Variants in PHACTR1 observed in about 807,000 individuals in gnomAD.
PHACTR1 encodes the protein RPEL repeat containing 1.
A neutral mutation model predicts 69.2 loss-of-function variants in PHACTR1; 16 were observed. The observed-to-expected ratio is 0.23, with a 90% CI of 0.16 to 0.35. The LOEUF (loss-of-function observed/expected upper bound fraction) is 0.35, where lower values mean the gene tolerates loss of function less well. Ranked by LOEUF, PHACTR1 falls within the 10% of genes least tolerant of loss-of-function variation. PHACTR1 has a pLI of 1.00. For missense variants in PHACTR1, 510 were observed against 734.7 expected (o/e 0.69, Z 3.54); for synonymous variants, 312 against 284.5 (o/e 1.10, Z -0.97).
intron 4 of PHACTR1, among the ~76,000 whole-genome samples, chr6:12,835,090 G>A (rs1778015133): frequency 6.6e-6 from 1 of 152,142 alleles, no homozygotes; most frequent in Admixed American, 6.6e-5. Flanking sequence ...GTGAAGAGCT[G>A]GCAGAGCAAA....
At chr6:13,242,297 C>A (rs913528320) in intron 10 of PHACTR1, among the ~76,000 whole-genome samples, 2 of 152,298 alleles carry the variant, frequency 1.3e-5, no homozygotes, top group Admixed American at 6.5e-5. Context: ...AATCTCACTT[C>A]AAGGGAGTGT....
intron 4 of PHACTR1, among the ~76,000 whole-genome samples, chr6:13,014,204 G>C (rs1173377674): frequency 6.6e-6 from 1 of 152,058 alleles, no homozygotes; most frequent in Non-Finnish European, 1.5e-5. Context: ...GGCTCGGGCT[G>C]TCTCAGTTTG....
chr6:13,194,327 C>T (rs1764041718), intron 7 of PHACTR1, among the ~76,000 whole-genome samples: 1 of 151,024 alleles, frequency 6.6e-6, no homozygotes, highest in Non-Finnish European at 1.5e-5. Context: ...TGCTTGAACC[C>T]AGGAGGTGGA....
chr6:13,109,980 A>G (rs1816783665), intron 5 of PHACTR1, among the ~76,000 whole-genome samples: 1 of 150,894 alleles, frequency 6.6e-6, no homozygotes, highest in Non-Finnish European at 1.5e-5. Flanking sequence ...TAGATACAGT[A>G]TTTTTCAGTT....
chr6:12,998,234 C>T (rs1797662429), intron 4 of PHACTR1, among the ~76,000 whole-genome samples: 1 of 152,018 alleles, frequency 6.6e-6, no homozygotes, highest in African/African-American at 2.4e-5. Context: ...GGATTAACAA[C>T]CTAAATATGT....
intron 4 of PHACTR1, among the ~76,000 whole-genome samples, chr6:12,984,850 C>T (rs1456788786): frequency 6.6e-6 from 1 of 152,186 alleles, no homozygotes; most frequent in African/African-American, 2.4e-5. Context: ...AGTTTCAGAA[C>T]ATGCTCTTAA....
chr6:13,005,206 T>C (rs1346268286), intron 4 of PHACTR1, among the ~76,000 whole-genome samples: 1 of 151,648 alleles, frequency 6.6e-6, no homozygotes, highest in African/African-American at 2.4e-5. Flanking sequence ...TTCTTTTTTT[T>C]TTAGACAAGT....
At chr6:12,924,170 G>A (rs1788009309) in intron 4 of PHACTR1, among the ~76,000 whole-genome samples, 1 of 152,110 alleles carries the variant, frequency 6.6e-6, no homozygotes, top group Non-Finnish European at 1.5e-5. Flanking sequence ...TTTATAAACT[G>A]CTGAGACTAT....
intron 10 of PHACTR1, among the ~76,000 whole-genome samples, chr6:13,261,832 G>T (rs756784357): frequency 1.3e-5 from 2 of 152,060 alleles, no homozygotes; most frequent in Non-Finnish European, 2.9e-5. Context: ...TTGTCAGTTA[G>T]ACAGACAAAG....
At position 12,749,685 on chromosome 6, in the gene PHACTR1, G is replaced by A; in HGVS notation, c.145G>A (p.Ala49Thr). 1 of 1,611,974 alleles carries A rather than the reference G, an allele frequency of 6.2e-7. No homozygotes were observed. Among genetic ancestry groups the A allele is most frequent in the East Asian group, 2.2e-5 (1 of 44,774 alleles). ...GCTCCTGCCTCCCACATTAATGGCG[G>A]CATCCTCGGAGGATGATATAGACCG... ...TLLLPPTLMA[A>T]SSEDDIDRRP... The change falls in exon 4 of 15, where the codon GCA becomes ACA. Residue 49 changes from alanine to threonine, a missense_variant. Ala to Thr is a moderately conservative substitution (Grantham distance 58). This residue lies in a region of PHACTR1 where 419 missense variants were observed against 530.9 expected (regional missense o/e 0.79). Coordinates refer to ENST00000332995, the MANE Select transcript of PHACTR1 (RefSeq NM_030948.6).
intron 4 of PHACTR1, among the ~76,000 whole-genome samples, chr6:13,002,595 G>C (rs564298421): frequency 6.6e-6 from 1 of 152,236 alleles, no homozygotes; most frequent in East Asian, 1.9e-4. Context: ...TGATCTATTG[G>C]TTGATCATGT....
intron 4 of PHACTR1, among the ~76,000 whole-genome samples, chr6:12,992,647 C>T (rs1796945841): frequency 6.6e-6 from 1 of 152,052 alleles, no homozygotes; most frequent in South Asian, 2.1e-4. Flanking sequence ...TTTTTCATTG[C>T]CTTATGCCAA....
chr6:12,863,116 A>T (rs1272902864), intron 4 of PHACTR1, among the ~76,000 whole-genome samples: 1 of 152,274 alleles, frequency 6.6e-6, no homozygotes, highest in Non-Finnish European at 1.5e-5. Context: ...TTGCTAACAT[A>T]TACAGTATGT....
chr6:13,227,631 C>G (rs1017537244), intron 8 of PHACTR1, among the ~76,000 whole-genome samples, 185 bp from the exon 9 acceptor site: 7 of 152,206 alleles, frequency 4.6e-5, no homozygotes, highest in Admixed American at 2.6e-4. Context: ...ATCTTAGCCA[C>G]TATTCCCATC....
intron 4 of PHACTR1, among the ~76,000 whole-genome samples, chr6:12,915,506 C>CAAAAAAAAAAAAAAAAA (rs1225757251): frequency 2.0e-5 from 1 of 50,240 alleles, no homozygotes; most frequent in Non-Finnish European, 4.1e-5. Context: ...AACTCTCTCT[C>CAAAAAAAAAAAAAAAAA]AAAAAAAAAA....
Position 13,204,739 on chromosome 6 carries a change from G to A in PHACTR1, c.665-1076G>A, listed in dbSNP as rs142378266. Among the ~76,000 whole-genome samples the A allele has an allele frequency of 2.9e-3, 445 of 152,264 alleles. 4 individuals are homozygous for A. The highest frequency in any genetic ancestry group is 9.6e-3 in the African/African-American group (400 of 41,542). On this transcript the variant is annotated intron_variant, in intron 7 of 14. Coordinates refer to ENST00000332995, the MANE Select transcript of PHACTR1 (RefSeq NM_030948.6). ...AGTCACTCTCACTCCTGCCCCACTC[G>A]TGCACCCAAGCCAGGATCTGCAAAA...
rs77350570 is a variant in PHACTR1 at position 13,008,491 on chromosome 6, C to T, written c.251-44874C>T. On this transcript the variant is annotated intron_variant, in intron 4 of 14. Transcript: ENST00000332995. ...CAAGCTCTGATCACATCTCCTTGCT[C>T]GAAATATAAATGTATTATATCAAAT... Among the ~76,000 whole-genome samples the T allele has an allele frequency of 4.6e-3, 702 of 152,244 alleles. 4 individuals carry two copies. Among genetic ancestry groups the T allele is most frequent in the African/African-American group, 0.016 (678 of 41,536 alleles).
intron 9 of PHACTR1, among the ~76,000 whole-genome samples, chr6:13,229,520 C>A (rs1236339150): frequency 4.6e-5 from 7 of 152,168 alleles, no homozygotes; most frequent in African/African-American, 1.2e-4. Flanking sequence ...TGTCCGCCTA[C>A]CTTTTTTCTC....
At chr6:13,215,937 G>A (rs745686532) in intron 8 of PHACTR1, among the ~76,000 whole-genome samples, 1 of 152,190 alleles carries the variant, frequency 6.6e-6, no homozygotes, top group Non-Finnish European at 1.5e-5. Context: ...ATCACTGCAT[G>A]CCAAGCATTG....
Sources: allele counts gnomAD v4.1 joint callset (sites outside exome capture counted in the v4.1 genomes callset), GRCh38; gene constraint gnomAD v4.1.1; regional missense constraint gnomAD v4.1.1; transcripts MANE v1.5; gene names NCBI Gene and HGNC (gene_info 2026-07-23, HGNC 2026-07-21).